The following TTC6 variants were observed in gnomAD, a reference collection of about 807,000 sequenced individuals.
TTC6 encodes tetratricopeptide repeat protein 6.
Under a neutral mutation model 210.4 loss-of-function variants are expected in TTC6, and 172 were observed. The observed-to-expected ratio is 0.82, with a 90% CI of 0.72 to 0.93. The LOEUF is 0.93. Among genes scored for constraint, TTC6 ranks in the 40% least tolerant of loss-of-function variants. The pLI is 0.00. For missense variants in TTC6, 2,414 were observed against 2,318.1 expected, an observed-to-expected ratio of 1.04 and a Z score of -0.85; for synonymous variants, 804 against 819.6, an observed-to-expected ratio of 0.98 and a Z score of 0.32.
At chr14:37,698,282 C>A (rs1595120447) in intron 4 of TTC6, among the ~76,000 whole-genome samples, 1 of 152,238 alleles carries the variant, frequency 6.6e-6, no homozygotes, top group East Asian at 1.9e-4. Flanking sequence ...ACATCTATTG[C>A]AGCATATTGT....
chr14:37,762,509 G>C (rs1477517673), intron 14 of TTC6, among the ~76,000 whole-genome samples: 3 of 152,154 alleles, frequency 2.0e-5, no homozygotes, highest in African/African-American at 7.2e-5. Context: ...TTTGGTAATA[G>C]TGTGAAGTGA....
At chr14:37,672,643 A>G (rs2138489609) in intron 1 of TTC6, among the ~76,000 whole-genome samples, 1 of 152,286 alleles carries the variant, frequency 6.6e-6, no homozygotes, top group African/African-American at 2.4e-5. Context: ...ATTTCTCCAT[A>G]GCCTTCTGAA....
intron 14 of TTC6, among the ~76,000 whole-genome samples, chr14:37,771,627 G>C (rs2096019169): frequency 6.6e-6 from 1 of 152,058 alleles, no homozygotes; most frequent in African/African-American, 2.4e-5. Context: ...TCTTCACGTA[G>C]TTCTCGAGCC....
chr14:37,702,584 G>A (rs1184610361), intron 5 of TTC6, among the ~76,000 whole-genome samples: 1 of 152,022 alleles, frequency 6.6e-6, no homozygotes, highest in Non-Finnish European at 1.5e-5. Flanking sequence ...TGTACTGCAT[G>A]TTTTAAGACA....
rs778223515 is a variant in TTC6 at position 37,622,829 on chromosome 14, G to A, written c.765G>A (p.Pro255=). 6.0e-4 allele frequency: 924 copies of A among 1,533,872 alleles called. 9 individuals are homozygous for A. The Admixed American group carries it at 0.016, about 27-fold the overall frequency. Residue 255 remains proline, a synonymous_variant, in exon 1 of 31, where the codon CCG becomes CCA. Transcript: ENST00000553443. ...CCCAGGGAGAACAGGAGAGCTGGCC[G>A]CCCAGCGACGCGCGGGAGGCCGCCT...
intron 14 of TTC6, among the ~76,000 whole-genome samples, chr14:37,777,903 C>G (rs2139232912): frequency 6.6e-6 from 1 of 151,948 alleles, no homozygotes; most frequent in South Asian, 2.1e-4. Context: ...GCTCAGCACT[C>G]CTGGGCTGCA....
At chr14:37,651,192 G>T (rs540133902) in intron 1 of TTC6, among the ~76,000 whole-genome samples, 1 of 151,446 alleles carries the variant, frequency 6.6e-6, no homozygotes, top group Non-Finnish European at 1.5e-5. Context: ...TAAAATTGAG[G>T]TGAAGCTGTT....
chr14:37,676,130 A>G (rs2095768739), intron 1 of TTC6, among the ~76,000 whole-genome samples: 2 of 152,072 alleles, frequency 1.3e-5, no homozygotes, highest in African/African-American at 4.8e-5. Context: ...CTGAGAGGAA[A>G]AAACTTGCTT....
At chr14:37,679,158 G>T (rs753542507) in intron 1 of TTC6, among the ~76,000 whole-genome samples, 2 of 152,104 alleles carry the variant, frequency 1.3e-5, no homozygotes, top group African/African-American at 4.8e-5. Context: ...GGAGTTTGAG[G>T]TTACGGGGAG....
intron 14 of TTC6, among the ~76,000 whole-genome samples, chr14:37,774,724 T>C (rs1356989860): frequency 6.6e-6 from 1 of 152,198 alleles, no homozygotes; most frequent in Non-Finnish European, 1.5e-5. Flanking sequence ...CTCACAGGTT[T>C]TGACATCAGG....
intron 5 of TTC6, among the ~76,000 whole-genome samples, chr14:37,711,255 G>T (rs2095844280): frequency 6.6e-6 from 1 of 152,050 alleles, no homozygotes; most frequent in South Asian, 2.1e-4. Context: ...TCAAATTTTT[G>T]GGAGACAGAA....
intron 3 of TTC6, among the ~76,000 whole-genome samples, chr14:37,685,529 G>T (rs758702960): frequency 2.0e-5 from 3 of 152,144 alleles, no homozygotes; most frequent in Non-Finnish European, 4.4e-5. Flanking sequence ...GATGACAGCT[G>T]CCTTAATTTA....
At chr14:37,745,439 A>G (rs182422671) in intron 10 of TTC6, among the ~76,000 whole-genome samples, 15 of 152,154 alleles carry the variant, frequency 9.9e-5, no homozygotes, top group East Asian at 1.9e-4. Context: ...TTTGTTTGCT[A>G]TCTTGGTGGA....
At chr14:37,659,182 T>C (rs1345672846) in intron 1 of TTC6, among the ~76,000 whole-genome samples, 3 of 152,166 alleles carry the variant, frequency 2.0e-5, no homozygotes, top group Non-Finnish European at 4.4e-5. Flanking sequence ...CACTCTACCA[T>C]TGATGGACAT....
intron 2 of TTC6, 38 bp downstream of exon 4, chr14:37,680,299 A>C: frequency 7.9e-7 from 1 of 1,267,072 alleles, no homozygotes; most frequent in Non-Finnish European, 1.1e-6. Context: ...GCCTCTGTTA[A>C]AGTAACAGCA....
intron 1 of TTC6, among the ~76,000 whole-genome samples, chr14:37,666,079 C>A (rs177894): frequency 0.015 from 2,283 of 150,638 alleles, 74 homozygotes; most frequent in African/African-American, 0.052. Flanking sequence ...TATTATACTG[C>A]AACTTGCAAA....
chr14:37,722,570 T>A (rs1453303024), intron 6 of TTC6, among the ~76,000 whole-genome samples: 1 of 152,160 alleles, frequency 6.6e-6, no homozygotes, highest in Admixed American at 6.5e-5. Context: ...CTTGAACTCC[T>A]GGCCTCAAAT....
At chr14:37,639,818 G>A (rs1033957917) in intron 1 of TTC6, among the ~76,000 whole-genome samples, 5 of 150,128 alleles carry the variant, frequency 3.3e-5, no homozygotes, top group East Asian at 1.9e-4. Context: ...CCCAGGAGGC[G>A]GAGGTTGCAG....
intron 28 of TTC6, 124 bp downstream of exon 30, chr14:37,826,471 T>G (rs2096171957): frequency 1.0e-6 from 1 of 976,126 alleles, no homozygotes; most frequent in South Asian, 2.6e-5. Flanking sequence ...GTTTTGTATT[T>G]TTTTTTAACC....
Sources: allele counts gnomAD v4.1 joint callset (sites outside exome capture counted in the v4.1 genomes callset), GRCh38; gene constraint gnomAD v4.1.1; transcripts MANE v1.5; gene names NCBI Gene and HGNC (gene_info 2026-07-23, HGNC 2026-07-21).